The following WIPI2 variants were observed in gnomAD, a reference collection of about 807,000 sequenced individuals.
The protein encoded by WIPI2 is WD repeat domain phosphoinositide-interacting protein 2.
Under a neutral mutation model 52.3 loss-of-function variants are expected in WIPI2, and 28 were observed. The observed-to-expected ratio is 0.54, with a 90% CI of 0.40 to 0.73. The LOEUF (loss-of-function observed/expected upper bound fraction) is 0.73. Ranked by LOEUF, WIPI2 falls within the 30% of genes least tolerant of loss-of-function variation. The pLI, the probability that WIPI2 is intolerant of heterozygous loss-of-function variation, is 0.00. For synonymous variants in WIPI2, 268 were observed against 245.0 expected, an observed-to-expected ratio of 1.09 and a Z score of -0.88; for missense variants, 506 against 602.9, an observed-to-expected ratio of 0.84 and a Z score of 1.68.
intron 2 of WIPI2, among the ~76,000 whole-genome samples, chr7:5,195,656 T>G (rs1006831420): frequency 5.3e-5 from 8 of 152,206 alleles, no homozygotes; most frequent in African/African-American, 1.9e-4. Context: ...TTGAAATTGT[T>G]TAAAGCCAAA....
intron 1 of WIPI2, among the ~76,000 whole-genome samples, chr7:5,191,100 A>T (rs190156160): frequency 1.6e-3 from 243 of 151,616 alleles, no homozygotes; most frequent in African/African-American, 5.7e-3. Flanking sequence ...GCTCACTGCA[A>T]CCTCCGCCTC....
chr7:5,208,463 C>T (rs1420256621), intron 3 of WIPI2, among the ~76,000 whole-genome samples: 1 of 151,238 alleles, frequency 6.6e-6, no homozygotes. Flanking sequence ...CTTTCTAGGC[C>T]CTGTCCAGGA....
chr7:5,204,375 G>A (rs1197666692), intron 3 of WIPI2, among the ~76,000 whole-genome samples: 2 of 152,154 alleles, frequency 1.3e-5, no homozygotes, highest in African/African-American at 2.4e-5. Flanking sequence ...GCTGAGGTAG[G>A]AGAATCACTT....
At position 5,190,394 on chromosome 7, in the gene WIPI2, C is replaced by T. The variant is rs1235460677; in HGVS notation, c.-26C>T. ...CCCTCGCGCGCGCGCCCTCCCCGGC[C>T]GGGCCCACTCGCCGCGCGCCCAGCC... On this transcript the variant is annotated 5_prime_UTR_variant, in exon 1 of 13. Coordinates refer to ENST00000288828, the MANE Select transcript of WIPI2 (RefSeq NM_015610.4). 9.6e-6 allele frequency: 13 copies of T among 1,356,614 alleles called. No homozygotes were observed. In the East Asian group the frequency reaches 3.9e-4, roughly 40 times the overall value. 84.0% of individuals were successfully genotyped at this position (1,356,614 alleles called of 1,614,324 possible).
At chr7:5,219,317 C>G (rs1235434025) in intron 7 of WIPI2, among the ~76,000 whole-genome samples, 1 of 152,220 alleles carries the variant, frequency 6.6e-6, no homozygotes, top group Non-Finnish European at 1.5e-5. Context: ...GCACCTTGTC[C>G]TTTTCTTTTC....
rs1783840617 is a variant in WIPI2 at position 5,233,757 on chromosome 7, G to A, written c.*2810G>A. 1 of 152,242 alleles carries A rather than the reference G, an allele frequency of 6.6e-6. No individual in the cohort carries two copies. The highest frequency in any genetic ancestry group is 2.4e-5 in the African/African-American group (1 of 41,456). 9.4% of individuals were successfully genotyped at this position (152,242 alleles called of 1,614,324 possible). On this transcript the variant is annotated 3_prime_UTR_variant, in exon 13 of 13. Transcript: ENST00000288828. ...GTTGTGAGGTGTTGTGTGACTGCGTGTCCTGCAAACGCCCAGCTCGGTGCC... is the reference window on the plus strand; with the variant it reads ...GTTGTGAGGTGTTGTGTGACTGCGTATCCTGCAAACGCCCAGCTCGGTGCC...
chr7:5,192,085 G>A (rs2115187449), intron 1 of WIPI2, among the ~76,000 whole-genome samples: 1 of 152,174 alleles, frequency 6.6e-6, no homozygotes, highest in Middle Eastern at 3.4e-3. Context: ...GTAGAATTCT[G>A]AAGACAGTGA....
chr7:5,220,222 T>G (rs886469465), intron 7 of WIPI2, among the ~76,000 whole-genome samples: 1 of 150,336 alleles, frequency 6.7e-6, no homozygotes, highest in Non-Finnish European at 1.5e-5. Flanking sequence ...GTTCTACACT[T>G]AGGTCATCTG....
intron 8 of WIPI2, among the ~76,000 whole-genome samples, chr7:5,223,486 G>T (rs774454267): frequency 6.6e-6 from 1 of 152,152 alleles, no homozygotes; most frequent in Admixed American, 6.5e-5. Context: ...CGCTCCTCCA[G>T]CTCCTGCCTC....
intron 2 of WIPI2, among the ~76,000 whole-genome samples, chr7:5,199,012 GAA>G (rs1004106281): frequency 3.9e-5 from 6 of 152,076 alleles, no homozygotes; most frequent in Non-Finnish European, 8.8e-5. Flanking sequence ...TAGATCTCCA[GAA>G]AAAGTTTTTT....
intron 3 of WIPI2, among the ~76,000 whole-genome samples, chr7:5,205,679 AT>A (rs374556373): frequency 2.0e-5 from 3 of 150,592 alleles, no homozygotes; most frequent in Admixed American, 2.0e-4. Context: ...TAATTTTTCT[AT>A]TTTTTTTAGT....
rs1251461566 is a variant in WIPI2 at position 5,232,739 on chromosome 7, G to C, written c.*1792G>C. On this transcript the variant is annotated 3_prime_UTR_variant, in exon 13 of 13. Transcript: ENST00000288828. ...GCCACTTTTGGCAAGAGTGAGTGTG[G>C]GGGGAAAAAGTGTGCACAAGAGATA... 2 of 162,392 alleles carry C rather than the reference G, an allele frequency of 1.2e-5. No individual in the cohort carries two copies. The highest frequency in any genetic ancestry group is 1.7e-4 in the East Asian group (1 of 5,812). The allele number at this position is 162,392 out of a possible 1,614,324, so 10.1% of individuals were successfully genotyped here. A position where few individuals can be genotyped will look rare whatever the true frequency, so the allele number is the denominator to read the frequency against.
chr7:5,211,061 A>G (rs1407356375), intron 3 of WIPI2, among the ~76,000 whole-genome samples: 1 of 152,236 alleles, frequency 6.6e-6, no homozygotes, highest in Non-Finnish European at 1.5e-5. Flanking sequence ...CAAAAAGCAG[A>G]CACTCAGTAG....
chr7:5,228,276 G>A (rs1324760202), intron 11 of WIPI2, 65 bp downstream of exon 11: 2 of 1,414,670 alleles, frequency 1.4e-6, no homozygotes, highest in African/African-American at 2.9e-5. Flanking sequence ...GGGGCACCTG[G>A]CGAACGTTTG....
At chr7:5,211,780 C>G (rs1274292823) in intron 3 of WIPI2, among the ~76,000 whole-genome samples, 3 of 152,216 alleles carry the variant, frequency 2.0e-5, no homozygotes, top group Admixed American at 6.5e-5. Flanking sequence ...TCTTCTTTCA[C>G]CATTCAGGAA....
intron 8 of WIPI2, among the ~76,000 whole-genome samples, chr7:5,223,803 C>T (rs890426954): frequency 2.0e-5 from 3 of 152,196 alleles, no homozygotes; most frequent in Admixed American, 6.5e-5. Flanking sequence ...CCACTTGCCA[C>T]CCCCGCCAGC....
chr7:5,220,687 G>A (rs1783075983), intron 7 of WIPI2, among the ~76,000 whole-genome samples: 1 of 151,956 alleles, frequency 6.6e-6, no homozygotes, highest in South Asian at 2.1e-4. Context: ...TGTTGCCCAG[G>A]CTGGTCTTGA....
rs751446603 is a variant in WIPI2, at chr7:5,228,229, G to A, written c.1121+18G>A. On this transcript the variant is annotated intron_variant, in intron 11 of 12. Coordinates refer to ENST00000288828, the MANE Select transcript of WIPI2 (RefSeq NM_015610.4). ...CAGCACCGGTGAGTCTGCTCCGGCC[G>A]CTTCACGGAGCTGCTCCGTGCTGGC... 2.4e-5 allele frequency: 39 copies of A among 1,599,836 alleles called. No homozygotes were observed. The highest frequency in any genetic ancestry group is 1.7e-4 in the Middle Eastern group (1 of 5,810).
rs1783683439 is a variant in WIPI2, at chr7:5,230,588, G to A, written c.1253-247G>A. On this transcript the variant is annotated intron_variant, in intron 12 of 12. Transcript: ENST00000288828. This position sits in a 1 kb window ranked among gnomAD's most constrained non-coding sequence, Gnocchi z 4.8. ...AGAGAGTTTGTGGCCCGTCCATGAGGGAGCCTCTGTTTACTGTGCAGGCAT... is the reference window on the plus strand; with the variant it reads ...AGAGAGTTTGTGGCCCGTCCATGAGAGAGCCTCTGTTTACTGTGCAGGCAT... 6.6e-6 allele frequency among the ~76,000 whole-genome samples: 1 copy of A among 152,150 alleles called. No homozygotes were observed. Among genetic ancestry groups the A allele is most frequent in the Admixed American group, 6.5e-5 (1 of 15,286 alleles).
Sources: allele counts gnomAD v4.1 joint callset (sites outside exome capture counted in the v4.1 genomes callset), GRCh38; gene constraint gnomAD v4.1.1; non-coding constraint Gnocchi (gnomAD v3.1); transcripts MANE v1.5; gene names NCBI Gene and HGNC (gene_info 2026-07-23, HGNC 2026-07-21).